Variants in DYNC2I2 observed in about 807,000 individuals in gnomAD.
DYNC2I2 encodes the protein cytoplasmic dynein 2 intermediate chain 2.
In DYNC2I2, 39 loss-of-function variants were observed where a neutral mutation model predicts 52.0. That is an observed-to-expected ratio of 0.75 (90% CI 0.58 to 0.98). The LOEUF (loss-of-function observed/expected upper bound fraction) is 0.98. Ranked by LOEUF, DYNC2I2 falls within the 50% of genes least tolerant of loss-of-function variation. The pLI, the probability that DYNC2I2 is intolerant of heterozygous loss-of-function variation, is 0.00. For synonymous variants in DYNC2I2, 359 were observed against 321.1 expected (o/e 1.12, Z -1.26); for missense variants, 743 against 728.4 (o/e 1.02, Z -0.23).
chr9:128,666,356 T>C, the DYNC2I2 span, among the ~76,000 whole-genome samples: 2 of 148,994 alleles, frequency 1.3e-5, no homozygotes, highest in African/African-American at 5.0e-5. Context: ...CTCTCCAGCC[T>C]TGGTGACAGA....
chr9:128,649,036 C>A (rs749245315), intron 1 of DYNC2I2, among the ~76,000 whole-genome samples: 4 of 152,128 alleles, frequency 2.6e-5, no homozygotes, highest in African/African-American at 4.8e-5. Flanking sequence ...AGCTAAATCA[C>A]GGGAGACAGA....
chr9:128,684,382 T>G, the DYNC2I2 span, among the ~76,000 whole-genome samples: 2 of 152,092 alleles, frequency 1.3e-5, no homozygotes, highest in Admixed American at 1.3e-4. Flanking sequence ...ATCTCTCAGA[T>G]CTGTCCACCT....
chr9:128,661,335 A>C (rs1451084383), upstream of DYNC2I2, among the ~76,000 whole-genome samples: 2 of 143,542 alleles, frequency 1.4e-5, no homozygotes, highest in Non-Finnish European at 3.0e-5. Flanking sequence ...AAAAAGAAAA[A>C]CCAGCCTGGC....
At chr9:128,645,679 A>C (rs2132166972) in intron 1 of DYNC2I2, among the ~76,000 whole-genome samples, 1 of 151,004 alleles carries the variant, frequency 6.6e-6, no homozygotes, top group South Asian at 2.1e-4. Context: ...GGGCCTCTAA[A>C]TGTTCAAGGG....
chr9:128,655,849 T>G lies in DYNC2I2; in HGVS notation c.186+692A>C, dbSNP rs1453900496. ...TGGCGTGAACCTGGGAGGCGGAGTT[T>G]GCAGTGAGCCGAGTTCGCGCCACTG... On this transcript the variant is annotated intron_variant, in intron 1 of 8. Transcript: ENST00000372715. Among the ~76,000 whole-genome samples the G allele has an allele frequency of 3.5e-5, 5 of 143,334 alleles. No individual in the cohort carries two copies. The East Asian group carries it at 8.2e-4, about 24-fold the overall frequency. 94.0% of individuals were successfully genotyped at this position (143,334 alleles called of 152,430 possible). A position where few individuals can be genotyped will look rare whatever the true frequency, so the allele number is the denominator to read the frequency against.
At chr9:128,642,703 C>T (rs1350435723) in intron 1 of DYNC2I2, among the ~76,000 whole-genome samples, 2 of 151,728 alleles carry the variant, frequency 1.3e-5, no homozygotes, top group African/African-American at 4.8e-5. Flanking sequence ...TACAGTGAGC[C>T]GAGATTGTGC....
At chr9:128,671,479 T>C in the DYNC2I2 span, among the ~76,000 whole-genome samples, 1 of 144,136 alleles carries the variant, frequency 6.9e-6, no homozygotes, top group South Asian at 2.3e-4. Flanking sequence ...TCTTTTTTTT[T>C]TTTTTTTTTT....
In DYNC2I2 at chr9:128,634,327, T is replaced by C; in HGVS notation, c.1271A>G (p.Gln424Arg). ...CTGCAGCGAAGTCAAGGGAGGGGCC[T>C]GCAGCATGGAGTACAGGTGGACATG... ...DGHVHLYSML[Q>R]APPLTSLQLS... is the part of the protein sequence containing the mutation. Residue 424 changes from glutamine (Q) to arginine (R), a missense_variant, in exon 8 of 9, where the codon CAG (glutamine) becomes CGG (arginine). Gln to Arg is a conservative substitution (Grantham distance 43). Transcript: ENST00000372715. The C allele has an allele frequency of 6.2e-7, 1 of 1,612,520 alleles. No individual in the cohort carries two copies. Among genetic ancestry groups the C allele is most frequent in the Non-Finnish European group, 8.5e-7 (1 of 1,179,452 alleles).
At chr9:128,679,598 G>A in the DYNC2I2 span, among the ~76,000 whole-genome samples, 1 of 151,840 alleles carries the variant, frequency 6.6e-6, no homozygotes, top group African/African-American at 2.4e-5. Flanking sequence ...TGAGTGGCTG[G>A]GACTAAAGTC....
the DYNC2I2 span, among the ~76,000 whole-genome samples, chr9:128,679,636 GTTTTTTGTTT>G: frequency 1.3e-5 from 2 of 150,090 alleles, no homozygotes; most frequent in African/African-American, 2.5e-5. Flanking sequence ...GCTAACTTTT[GTTTTTTGTTT>G]TTTTTTGTTT....
At chr9:128,669,313 C>T in the DYNC2I2 span, among the ~76,000 whole-genome samples, 4 of 151,716 alleles carry the variant, frequency 2.6e-5, no homozygotes, top group South Asian at 2.1e-4. Flanking sequence ...TGCAGTGAGC[C>T]GAGATTGCGC....
At position 128,636,402 on chromosome 9, in the gene DYNC2I2, G is replaced by A. The variant is rs376002777; in HGVS notation, c.582C>T (p.Phe194=). 12 of 1,610,158 alleles carry A rather than the reference G, an allele frequency of 7.5e-6. No individual in the cohort carries two copies. Among genetic ancestry groups the A allele is most frequent in the South Asian group, 1.1e-5 (1 of 90,650 alleles). The change falls in exon 4 of 9, where the codon TTC becomes TTT. Residue 194 remains phenylalanine, a synonymous_variant. Transcript: ENST00000372715. The part of the protein sequence containing the change: ...DHGDWSTLKS[F]VCAWNLDRRD... ...GCCGGTCCAGGTTCCAGGCACACAC[G>A]AAGGACTTAAGCGTGCTCCAGTCCC... is the stretch of plus-strand genomic sequence containing the variant.
At chr9:128,637,390 C>T (rs1006781011) in intron 2 of DYNC2I2, among the ~76,000 whole-genome samples, 5 of 152,148 alleles carry the variant, frequency 3.3e-5, no homozygotes, top group Non-Finnish European at 5.9e-5. Flanking sequence ...GCGAACCACC[C>T]GACGTCACGC....
chr9:128,642,453 C>CA lies in DYNC2I2; in HGVS notation c.187-1515dup, dbSNP rs34018869. Among the ~76,000 whole-genome samples, 775 of 78,424 alleles carry CA rather than the reference C, an allele frequency of 9.9e-3. 10 individuals carry two copies. Among genetic ancestry groups the CA allele is most frequent in the Middle Eastern group, 0.03 (4 of 134 alleles). The allele number at this position is 78,424 out of a possible 152,430, so 51.4% of individuals were successfully genotyped here. ...CCTGGCCTATGGTAGGAGACTTTCT[C>CA]AAAAAAAAAAAAAAAAAAAAAAAAT... is the stretch of plus-strand genomic sequence containing the variant. On this transcript the variant is annotated intron_variant, in intron 1 of 8. Coordinates refer to ENST00000372715, the MANE Select transcript of DYNC2I2 (RefSeq NM_052844.4).
the DYNC2I2 span, among the ~76,000 whole-genome samples, chr9:128,662,600 G>A: frequency 6.6e-6 from 1 of 151,186 alleles, no homozygotes; most frequent in East Asian, 2.0e-4. Flanking sequence ...TTTTTTTGCA[G>A]GCAGAGTCTC....
the DYNC2I2 span, among the ~76,000 whole-genome samples, chr9:128,673,584 C>A: frequency 6.6e-6 from 1 of 151,542 alleles, no homozygotes; most frequent in Non-Finnish European, 1.5e-5. Flanking sequence ...CGGCTCACTG[C>A]AAGCTCCACC....
At chr9:128,638,448 C>T (rs1038293505) in intron 2 of DYNC2I2, among the ~76,000 whole-genome samples, 61 of 151,220 alleles carry the variant, frequency 4.0e-4, no homozygotes, top group African/African-American at 1.3e-3. Flanking sequence ...ACCCAGGAGG[C>T]AGAGGTTGCA....
the DYNC2I2 span, among the ~76,000 whole-genome samples, chr9:128,681,101 C>CT: frequency 6.6e-6 from 1 of 151,830 alleles, no homozygotes; most frequent in Non-Finnish European, 1.5e-5. Flanking sequence ...CATTTCTTTT[C>CT]TTTTTTAGAG....
chr9:128,678,486 A>G, the DYNC2I2 span, among the ~76,000 whole-genome samples: 8 of 92,080 alleles, frequency 8.7e-5, no homozygotes, highest in Admixed American at 1.4e-3. Flanking sequence ...TTGGAGACAG[A>G]GTCTTGCTCT....
Sources: allele counts gnomAD v4.1 joint callset (sites outside exome capture counted in the v4.1 genomes callset), GRCh38; gene constraint gnomAD v4.1.1; transcripts MANE v1.5; gene names NCBI Gene and HGNC (gene_info 2026-07-23, HGNC 2026-07-21).